The following FTO variants were observed in gnomAD, a reference collection of about 807,000 sequenced individuals.
FTO encodes FTO alpha-ketoglutarate dependent dioxygenase.
Under a neutral mutation model 63.9 loss-of-function variants are expected in FTO, and 47 were observed. That is an observed-to-expected ratio of 0.74 (90% CI 0.58 to 0.94). The LOEUF is 0.94. FTO is among the 40% of genes least tolerant of loss of function. The pLI is 0.00. For synonymous variants in FTO, 207 were observed against 224.4 expected (o/e 0.92, Z 0.69); for missense variants, 562 against 618.1 (o/e 0.91, Z 0.96).
chr16:53,889,584 A>T (rs2081096295), intron 7 of FTO, among the ~76,000 whole-genome samples: 1 of 152,212 alleles, frequency 6.6e-6, no homozygotes, highest in Non-Finnish European at 1.5e-5. Flanking sequence ...GGAGTATTAC[A>T]TTCAGACCAC....
chr16:53,959,813 C>T (rs2083027530), intron 8 of FTO, among the ~76,000 whole-genome samples: 1 of 151,994 alleles, frequency 6.6e-6, no homozygotes, highest in Non-Finnish European at 1.5e-5. Flanking sequence ...ATCCATAGAG[C>T]AGGTAGGGTA....
chr16:53,843,818 A>T (rs1395882384), intron 3 of FTO, among the ~76,000 whole-genome samples: 2 of 68,362 alleles, frequency 2.9e-5, no homozygotes, highest in Non-Finnish European at 6.4e-5. Context: ...TTAAAAAGTA[A>T]TTTTTTTTTT....
At chr16:53,801,242 T>G (rs9926451) in intron 1 of FTO, among the ~76,000 whole-genome samples, 20,400 of 151,230 alleles carry the variant, frequency 0.13, 3,123 homozygotes, top group East Asian at 0.4. Flanking sequence ...ATTTTTTGGT[T>G]TTTTTTTTAT....
intron 2 of FTO, among the ~76,000 whole-genome samples, chr16:53,814,048 C>G (rs1399012011): frequency 6.6e-6 from 1 of 152,134 alleles, no homozygotes; most frequent in Non-Finnish European, 1.5e-5. Flanking sequence ...AGCTGGAGTT[C>G]AGCCCATATT....
chr16:53,931,497 G>A (rs541381159), intron 7 of FTO, among the ~76,000 whole-genome samples: 63 of 151,746 alleles, frequency 4.2e-4, no homozygotes, highest in Non-Finnish European at 8.1e-4. Context: ...CAGTAGAGAC[G>A]GGGTTTCACC....
intron 2 of FTO, among the ~76,000 whole-genome samples, chr16:53,820,022 T>G (rs948359682): frequency 2.6e-5 from 4 of 151,666 alleles, no homozygotes; most frequent in African/African-American, 9.7e-5. Flanking sequence ...TTTTTTTTTT[T>G]TTTTGAGATG....
chr16:53,733,848 A>G (rs2076328029), intron 1 of FTO, among the ~76,000 whole-genome samples: 1 of 152,224 alleles, frequency 6.6e-6, no homozygotes, highest in African/African-American at 2.4e-5. Context: ...TTAAAATGTA[A>G]CTTACTTTAG....
intron 7 of FTO, among the ~76,000 whole-genome samples, chr16:53,890,789 G>A (rs1023168223): frequency 5.9e-5 from 9 of 151,818 alleles, no homozygotes; most frequent in Non-Finnish European, 1.2e-4. Context: ...CATTTTTATG[G>A]GCTGCTTATA....
intron 2 of FTO, among the ~76,000 whole-genome samples, chr16:53,821,747 C>G (rs1301073303): frequency 6.6e-6 from 1 of 152,186 alleles, no homozygotes; most frequent in East Asian, 1.9e-4. Context: ...TACTTCCTCC[C>G]ACTTTCTGCA....
At chr16:53,734,544 A>G (rs553368082) in intron 1 of FTO, among the ~76,000 whole-genome samples, 14 of 152,362 alleles carry the variant, frequency 9.2e-5, no homozygotes, top group African/African-American at 3.1e-4. Flanking sequence ...TGCTCAATAT[A>G]TAAGTTTGAA....
At chr16:54,021,778 G>A (rs1038060662) in intron 8 of FTO, among the ~76,000 whole-genome samples, 3 of 152,068 alleles carry the variant, frequency 2.0e-5, no homozygotes, top group Admixed American at 6.5e-5. Context: ...GTGAGCCACC[G>A]CGCCTGGCTT....
chr16:53,822,399 C>T (rs2078891010), intron 2 of FTO, among the ~76,000 whole-genome samples: 1 of 152,174 alleles, frequency 6.6e-6, no homozygotes, highest in Non-Finnish European at 1.5e-5. Context: ...AGTAGATAAG[C>T]ACATACAGTG....
chr16:53,815,636 G>GTTTTTTTT lies in FTO; in HGVS notation c.123+5442_123+5449dup, dbSNP rs556357629. 1.8e-3 allele frequency among the ~76,000 whole-genome samples: 175 copies of GTTTTTTTT among 98,128 alleles called. 23 individuals carry two copies. The highest frequency in any genetic ancestry group is 5.3e-3 in the African/African-American group (99 of 18,530). The allele number at this position is 98,128 out of a possible 152,430, so 64.4% of individuals were successfully genotyped here. On this transcript the variant is annotated intron_variant, in intron 2 of 8. Coordinates refer to ENST00000471389, the MANE Select transcript of FTO (RefSeq NM_001080432.3). ...ACCCTATAAGGCCATTGACTTTCTT[G>GTTTTTTTT]TTTTTTTTTTTTTTTTTTTTTTTTT...
chr16:53,971,366 C>T (rs766571462), intron 8 of FTO, among the ~76,000 whole-genome samples: 8 of 152,122 alleles, frequency 5.3e-5, no homozygotes, highest in South Asian at 2.1e-4. Flanking sequence ...TTTCCAAAAG[C>T]GTTGCACCAA....
chr16:54,109,905 T>C (rs2086841582), intron 8 of FTO, among the ~76,000 whole-genome samples: 1 of 152,232 alleles, frequency 6.6e-6, no homozygotes, highest in South Asian at 2.1e-4. Context: ...GGATAATGTG[T>C]GCACGGACAA....
At chr16:54,015,050 A>G (rs374299500) in intron 8 of FTO, among the ~76,000 whole-genome samples, 1 of 151,224 alleles carries the variant, frequency 6.6e-6, no homozygotes, top group African/African-American at 2.4e-5. Flanking sequence ...TTTTAGAGAC[A>G]TGGTCTCACT....
intron 7 of FTO, among the ~76,000 whole-genome samples, chr16:53,923,635 C>CA (rs900770068): frequency 1.3e-5 from 2 of 151,902 alleles, no homozygotes; most frequent in Non-Finnish European, 2.9e-5. Flanking sequence ...ATAAACAACA[C>CA]TTTTTTTTCC....
chr16:53,805,347 C>T (rs561311437), intron 1 of FTO, among the ~76,000 whole-genome samples: 2 of 152,124 alleles, frequency 1.3e-5, no homozygotes, highest in Admixed American at 1.3e-4. Context: ...GATATACAAG[C>T]TCAGATACAG....
At chr16:53,729,431 C>T (rs2076221800) in intron 1 of FTO, among the ~76,000 whole-genome samples, 1 of 151,610 alleles carries the variant, frequency 6.6e-6, no homozygotes, top group African/African-American at 2.4e-5. Flanking sequence ...GAGGCAGAGG[C>T]AGGCTTGAAC....
Sources: gnomAD v4.1 joint callset for allele counts (sites outside exome capture counted in the v4.1 genomes callset) on GRCh38, gnomAD v4.1.1 for gene constraint, MANE v1.5 for transcripts, NCBI Gene and HGNC (gene_info 2026-07-23, HGNC 2026-07-21) for gene names.